The following RPH3AL variants were observed in gnomAD, a reference collection of about 807,000 sequenced individuals.
RPH3AL encodes the protein rabphilin 3A like (without C2 domains).
In RPH3AL, 38 loss-of-function variants were observed where a neutral mutation model predicts 43.1. That is an observed-to-expected ratio of 0.88 (90% CI 0.68 to 1.15). The LOEUF (loss-of-function observed/expected upper bound fraction) is 1.15, where lower values mean the gene tolerates loss of function less well. RPH3AL is among the 50% of genes most tolerant of loss of function. The pLI is 0.00. For synonymous variants in RPH3AL, 189 were observed against 176.3 expected (o/e 1.07, Z -0.57); for missense variants, 462 against 423.2 (o/e 1.09, Z -0.81).
At chr17:263,243 C>T (rs7208188) in intron 6 of RPH3AL, among the ~76,000 whole-genome samples, 45,385 of 152,132 alleles carry the variant, frequency 0.3, 12,486 homozygotes, top group African/African-American at 0.73. Flanking sequence ...CCAAAGCTGA[C>T]GGAAGAAGAC....
At chr17:251,301 G>C (rs1484816358) in intron 6 of RPH3AL, among the ~76,000 whole-genome samples, 1 of 152,150 alleles carries the variant, frequency 6.6e-6, no homozygotes, top group Non-Finnish European at 1.5e-5. Context: ...TATTTGAATG[G>C]GTAATGCAGG....
intron 5 of RPH3AL, among the ~76,000 whole-genome samples, chr17:303,546 G>GC (rs1491334550): frequency 2.0e-4 from 25 of 122,534 alleles, no homozygotes; most frequent in Admixed American, 7.6e-4. Flanking sequence ...AAGAGATGGG[G>GC]AGGGAGGGAG....
chr17:313,907 G>A (rs1339283421), intron 5 of RPH3AL, among the ~76,000 whole-genome samples: 2 of 152,062 alleles, frequency 1.3e-5, no homozygotes, highest in African/African-American at 4.8e-5. Flanking sequence ...CCTCAATCCT[G>A]GAACAAGCCC....
chr17:321,230 C>A (rs1330603467), intron 4 of RPH3AL, 42 bp downstream of exon 4: 2 of 1,587,480 alleles, frequency 1.3e-6, no homozygotes, highest in South Asian at 2.2e-5. Context: ...GCGCCAAAGC[C>A]CTTGCTGTCC....
rs554263967 is a variant in RPH3AL, at chr17:242,677, T to C, written c.613+4434A>G. Among the ~76,000 whole-genome samples, 5 of 131,970 alleles carry C rather than the reference T, an allele frequency of 3.8e-5. No homozygotes were observed. In the East Asian group the frequency reaches 1.2e-3, roughly 32 times the overall value. The allele number at this position is 131,970 out of a possible 152,430, so 86.6% of individuals were successfully genotyped here. A position where few individuals can be genotyped will look rare whatever the true frequency, so the allele number is the denominator to read the frequency against. On this transcript the variant is annotated intron_variant, in intron 7 of 9. Coordinates refer to ENST00000331302, the MANE Select transcript of RPH3AL (RefSeq NM_006987.4). ...CTATTGACTACCTTCCTCTATTGAC[T>C]ACCTTCCTCTATTGATTACCTTCCT...
intron 6 of RPH3AL, among the ~76,000 whole-genome samples, chr17:278,557 C>T (rs1441724694): frequency 5.3e-5 from 8 of 152,124 alleles, no homozygotes; most frequent in Non-Finnish European, 8.8e-5. Flanking sequence ...TCCACATAGC[C>T]ACAGAAGATG....
chr17:301,897 T>C (rs1196883555), intron 5 of RPH3AL, among the ~76,000 whole-genome samples: 1 of 152,162 alleles, frequency 6.6e-6, no homozygotes, highest in East Asian at 1.9e-4. Flanking sequence ...GTATGAACAC[T>C]GCCTTGCCTT....
intron 5 of RPH3AL, among the ~76,000 whole-genome samples, chr17:314,639 T>C (rs372034276): frequency 3.8e-3 from 185 of 48,758 alleles, no homozygotes; most frequent in Non-Finnish European, 4.4e-3. Flanking sequence ...CATTGACCTG[T>C]AGTCCCTGTG....
In RPH3AL at chr17:319,409, C is replaced by A; in HGVS notation, c.351+11G>T. The A allele has an allele frequency of 6.2e-7, 1 of 1,610,468 alleles. No homozygotes were observed. The highest frequency in any genetic ancestry group is 8.5e-7 in the Non-Finnish European group (1 of 1,179,102). ...GGAAGCCAGAATGACAGGGCCAGAGCAGGGTCTTACCTTCCTGCAGTCTTT... is the reference window on the plus strand; with the variant it reads ...GGAAGCCAGAATGACAGGGCCAGAGAAGGGTCTTACCTTCCTGCAGTCTTT... On this transcript the variant is annotated intron_variant, in intron 5 of 9. Transcript: ENST00000331302.
At chr17:243,199 T>G (rs2041622945) in intron 7 of RPH3AL, among the ~76,000 whole-genome samples, 1 of 145,162 alleles carries the variant, frequency 6.9e-6, no homozygotes, top group Non-Finnish European at 1.5e-5. Flanking sequence ...ATTGATTACC[T>G]TCCTCTATTG....
chr17:316,670 T>A (rs71355217), intron 5 of RPH3AL, among the ~76,000 whole-genome samples: 1 of 5,652 alleles, frequency 1.8e-4, no homozygotes. Flanking sequence ...TCCACCTCCA[T>A]TGACCTGCAG....
intron 6 of RPH3AL, among the ~76,000 whole-genome samples, chr17:262,204 G>C (rs1466260839): frequency 6.6e-6 from 1 of 152,084 alleles, no homozygotes; most frequent in Non-Finnish European, 1.5e-5. Context: ...ATACGTTTGA[G>C]CCTAAGACGT....
intron 7 of RPH3AL, among the ~76,000 whole-genome samples, chr17:236,528 T>C (rs147540062): frequency 1.5e-5 from 2 of 134,352 alleles, no homozygotes; most frequent in African/African-American, 5.6e-5. Flanking sequence ...CTCCCAAGTA[T>C]GGACGTGAGG....
chr17:295,437 G>T (rs2043154719), intron 5 of RPH3AL, among the ~76,000 whole-genome samples: 1 of 115,784 alleles, frequency 8.6e-6, no homozygotes, highest in Non-Finnish European at 1.8e-5. Flanking sequence ...CATCAGTGTG[G>T]GAGGGACAGA....
At chr17:337,717 A>G (rs140138871) in intron 1 of RPH3AL, among the ~76,000 whole-genome samples, 217 of 152,320 alleles carry the variant, frequency 1.4e-3, no homozygotes, top group African/African-American at 5.0e-3. Flanking sequence ...CTGGGTGCTG[A>G]CGAGGCACCA....
intron 6 of RPH3AL, among the ~76,000 whole-genome samples, chr17:250,818 C>G (rs557873221): frequency 3.3e-5 from 5 of 151,652 alleles, no homozygotes; most frequent in African/African-American, 1.2e-4. Flanking sequence ...TGCGGGACCT[C>G]TCGGAGCCTT....
intron 7 of RPH3AL, among the ~76,000 whole-genome samples, chr17:235,212 C>G (rs1271007039): frequency 6.7e-6 from 1 of 149,968 alleles, no homozygotes; most frequent in African/African-American, 2.5e-5. Context: ...GGGTTCAAAG[C>G]TGGGGTCGGC....
At chr17:321,937 T>G (rs1021369327) in intron 3 of RPH3AL, among the ~76,000 whole-genome samples, 2 of 152,008 alleles carry the variant, frequency 1.3e-5, no homozygotes, top group Non-Finnish European at 2.9e-5. Context: ...GCATGAGAGA[T>G]TATCAAGAGA....
At chr17:312,676 C>G (rs2151657078) in intron 5 of RPH3AL, among the ~76,000 whole-genome samples, 1 of 152,348 alleles carries the variant, frequency 6.6e-6, no homozygotes, top group East Asian at 1.9e-4. Context: ...ATGGGCCAGG[C>G]AGTCTGCTAA....
Sources: gnomAD v4.1 joint callset for allele counts (sites outside exome capture counted in the v4.1 genomes callset) on GRCh38, gnomAD v4.1.1 for gene constraint, MANE v1.5 for transcripts, NCBI Gene and HGNC (gene_info 2026-07-23, HGNC 2026-07-21) for gene names.